Variants in KANK1 observed in about 807,000 individuals in gnomAD.
KANK1 encodes the protein KN motif and ankyrin repeat domains 1.
Under a neutral mutation model 106.2 loss-of-function variants are expected in KANK1, and 109 were observed. The observed-to-expected ratio is 1.03, with a 90% CI of 0.88 to 1.20. The LOEUF (loss-of-function observed/expected upper bound fraction) is 1.20, where lower values mean the gene tolerates loss of function less well. Ranked by LOEUF, KANK1 falls within the 50% of genes most tolerant of loss-of-function variation. KANK1 has a pLI of 0.00. For missense variants in KANK1, 2,399 were observed against 1,710.7 expected (o/e 1.40, Z -7.10); for synonymous variants, 873 against 652.2 (o/e 1.34, Z -5.16).
intron 1 of KANK1, among the ~76,000 whole-genome samples, chr9:666,721 C>T (rs1844669607): frequency 6.6e-6 from 1 of 152,096 alleles, no homozygotes; most frequent in Non-Finnish European, 1.5e-5. Context: ...GTTCTTGGTT[C>T]TGTTAATGTG....
chr9:703,912 C>T (rs1823340455), intron 2 of KANK1, among the ~76,000 whole-genome samples: 1 of 152,076 alleles, frequency 6.6e-6, no homozygotes, highest in Non-Finnish European at 1.5e-5. Flanking sequence ...CCTGGTTTCA[C>T]CATGTTGGAC....
intron 1 of KANK1, among the ~76,000 whole-genome samples, chr9:653,358 G>C (rs1318212398): frequency 6.6e-6 from 1 of 152,100 alleles, no homozygotes; most frequent in Non-Finnish European, 1.5e-5. Flanking sequence ...TCTGGTGGAT[G>C]AGTCTCCAGT....
chr9:648,658 G>A (rs189199259), intron 1 of KANK1, among the ~76,000 whole-genome samples: 6 of 152,302 alleles, frequency 3.9e-5, no homozygotes, highest in South Asian at 4.1e-4. Context: ...TAATAAGTGC[G>A]GTTGCAGAAT....
At chr9:627,854 G>A (rs1834725621) in intron 1 of KANK1, among the ~76,000 whole-genome samples, 1 of 152,154 alleles carries the variant, frequency 6.6e-6, no homozygotes, top group African/African-American at 2.4e-5. Context: ...GCCAAATAGG[G>A]CTAGGGCCAG....
intron 1 of KANK1, among the ~76,000 whole-genome samples, chr9:529,868 A>G (rs1396398216): frequency 1.3e-5 from 2 of 152,200 alleles, no homozygotes; most frequent in Non-Finnish European, 2.9e-5. Context: ...GCTGCCTTTC[A>G]TGGAAGCTGT....
At chr9:621,390 G>A (rs894208805) in intron 1 of KANK1, among the ~76,000 whole-genome samples, 6 of 152,008 alleles carry the variant, frequency 3.9e-5, no homozygotes, top group South Asian at 4.1e-4. Context: ...TCAGTTCCAC[G>A]TAATACTGAC....
At chr9:569,355 C>T (rs1484333354) in intron 1 of KANK1, among the ~76,000 whole-genome samples, 1 of 152,080 alleles carries the variant, frequency 6.6e-6, no homozygotes, top group Non-Finnish European at 1.5e-5. Flanking sequence ...TAAGAGGTGG[C>T]TCTGCCCTCA....
intron 1 of KANK1, among the ~76,000 whole-genome samples, chr9:654,360 A>G (rs1185487681): frequency 6.6e-6 from 1 of 152,214 alleles, no homozygotes; most frequent in Non-Finnish European, 1.5e-5. Flanking sequence ...AATGTTTGTT[A>G]GAAATGTAAA....
chr9:707,248 G>T, intron 2 of KANK1: 9 of 986,130 alleles, frequency 9.1e-6, no homozygotes, highest in Non-Finnish European at 8.4e-6. Context: ...GCGCCACGTG[G>T]TAGGTGAGCT....
At chr9:488,676 A>G (rs764998024) in intron 3 of KANK1, among the ~76,000 whole-genome samples, 5 of 152,192 alleles carry the variant, frequency 3.3e-5, no homozygotes, top group Non-Finnish European at 7.4e-5. Flanking sequence ...GTAAACTGTG[A>G]CTGTCTTGTA....
chr9:616,580 C>A (rs1320927003), intron 1 of KANK1, among the ~76,000 whole-genome samples: 1 of 152,320 alleles, frequency 6.6e-6, no homozygotes, highest in South Asian at 2.1e-4. Flanking sequence ...TATCCTCTAT[C>A]CTTCCATCCA....
Position 671,462 on chromosome 9 carries a change from G to A in KANK1, c.-83-5428G>A, listed in dbSNP as rs1216707478. Among the ~76,000 whole-genome samples the A allele has an allele frequency of 1.0e-4, 11 of 107,250 alleles. No individual in the cohort carries two copies. In the South Asian group the frequency reaches 2.8e-3, roughly 27 times the overall value. 70.4% of individuals were successfully genotyped at this position (107,250 alleles called of 152,430 possible). ...AGATCAAGACCATCCTGGCTAACAC[G>A]GTGAAACCGCATCTCTACTGAAAAT... is the stretch of plus-strand genomic sequence containing the variant. On this transcript the variant is annotated intron_variant, in intron 1 of 11. Coordinates refer to ENST00000382297, the MANE Select transcript of KANK1 (RefSeq NM_015158.5).
At chr9:714,864 A>T (rs1827261730) in intron 3 of KANK1, among the ~76,000 whole-genome samples, 1 of 152,130 alleles carries the variant, frequency 6.6e-6, no homozygotes, top group Non-Finnish European at 1.5e-5. Flanking sequence ...CATCATCCTC[A>T]GCTTAGGACC....
intron 1 of KANK1, among the ~76,000 whole-genome samples, chr9:530,032 T>G (rs181007518): frequency 6.6e-6 from 1 of 152,354 alleles, no homozygotes; most frequent in East Asian, 1.9e-4. Context: ...CTTAGGAGAA[T>G]GAGCATATTT....
At chr9:684,242 A>T in intron 2 of KANK1, 1 of 985,420 alleles carries the variant, frequency 1.0e-6, no homozygotes, top group Non-Finnish European at 1.2e-6. Flanking sequence ...TTAGCTCTCC[A>T]GCTAAGCCAA....
intron 2 of KANK1, among the ~76,000 whole-genome samples, chr9:689,248 T>G (rs908999378): frequency 1.3e-5 from 2 of 152,208 alleles, no homozygotes; most frequent in African/African-American, 4.8e-5. Context: ...ACACTAGTTT[T>G]AAGCCTTCAC....
In KANK1 at chr9:544,719, G is replaced by C. The variant is rs2060826321; in HGVS notation, c.-84+39965G>C. Reference sequence around the variant, plus strand: ...AAGCTGAAACCTGTTGGGTGAGGTGGAGTTCGCCAGGTGAAGTGGTAGACT... The same window carrying C: ...AAGCTGAAACCTGTTGGGTGAGGTGCAGTTCGCCAGGTGAAGTGGTAGACT... On this transcript the variant is annotated intron_variant, in intron 1 of 11. Transcript: ENST00000382297. Among the ~76,000 whole-genome samples, 3 of 150,564 alleles carry C rather than the reference G, an allele frequency of 2.0e-5. 1 individual carries two copies. Among genetic ancestry groups the C allele is most frequent in the Non-Finnish European group, 4.4e-5 (3 of 67,682 alleles).
intron 3 of KANK1, among the ~76,000 whole-genome samples, chr9:724,995 A>G (rs552573708): frequency 6.4e-4 from 97 of 152,328 alleles, no homozygotes; most frequent in African/African-American, 1.9e-3. Context: ...GGGGACATCA[A>G]GTCACATAGT....
rs375800988 is a variant in KANK1 at position 740,846 on chromosome 9, C to T, written c.3608C>T (p.Ala1203Val). 3.7e-5 allele frequency: 59 copies of T among 1,613,290 alleles called. No individual in the cohort carries two copies. The highest frequency in any genetic ancestry group is 6.7e-5 in the East Asian group (3 of 44,850). Residue 1203 changes from alanine (A) to valine (V), a missense_variant, in exon 9 of 12, where the codon GCG becomes GTG. By Grantham distance (64) the Ala-to-Val change is moderately conservative. Coordinates refer to ENST00000382297, the MANE Select transcript of KANK1 (RefSeq NM_015158.5). ...GCAGGCTACACCCCCATCATGTTGG[C>T]GGCCCTCGCCGCTGTGGAAGCAGAG... ...NKAGYTPIMLAALAAVEAEKD... is the reference protein window; with the variant it reads ...NKAGYTPIMLVALAAVEAEKD...
Sources: allele counts gnomAD v4.1 joint callset (sites outside exome capture counted in the v4.1 genomes callset), GRCh38; gene constraint gnomAD v4.1.1; transcripts MANE v1.5; gene names NCBI Gene and HGNC (gene_info 2026-07-23, HGNC 2026-07-21).